IARS1: variants seen among roughly 807,000 people sequenced by gnomAD.
IARS1 encodes the protein isoleucyl-tRNA synthetase 1.
In IARS1, 124 loss-of-function variants were observed where a neutral mutation model predicts 168.2. That is an observed-to-expected ratio of 0.74 (90% CI 0.64 to 0.86). The LOEUF (loss-of-function observed/expected upper bound fraction) is 0.86, where lower values mean the gene tolerates loss of function less well. IARS1 is among the 40% of genes least tolerant of loss of function. The pLI is 0.00. For missense variants in IARS1, 1,452 were observed against 1,515.8 expected (o/e 0.96, Z 0.70); for synonymous variants, 532 against 529.4 (o/e 1.00, Z -0.07).
intron 20 of IARS1, among the ~76,000 whole-genome samples, chr9:92,254,596 C>A (rs991051005): frequency 3.3e-5 from 5 of 152,158 alleles, no homozygotes; most frequent in Non-Finnish European, 7.3e-5. Flanking sequence ...GTAACTGAGA[C>A]CTGTCTAAAT....
intron 14 of IARS1, among the ~76,000 whole-genome samples, chr9:92,266,903 C>T (rs999470585): frequency 3.9e-5 from 6 of 152,182 alleles, no homozygotes; most frequent in Admixed American, 2.0e-4. Context: ...TATAAATTAT[C>T]CAGCCTCAGG....
At chr9:92,245,106 C>T (rs1226754615) in intron 26 of IARS1, 35 bp from the exon 27 acceptor site, 3 of 1,544,998 alleles carry the variant, frequency 1.9e-6, no homozygotes, top group Non-Finnish European at 9.0e-7. Context: ...AATCAGCTTC[C>T]CCTCCTCTTC....
At chr9:92,282,807 T>A (rs1834819624) in intron 6 of IARS1, among the ~76,000 whole-genome samples, 1 of 150,044 alleles carries the variant, frequency 6.7e-6, no homozygotes, top group South Asian at 2.1e-4. Flanking sequence ...CCAATACATA[T>A]ATATGTATAC....
chr9:92,269,894 A>G lies in IARS1; in HGVS notation c.1295T>C (p.Leu432Pro). Residue 432 changes from leucine to proline, a missense_variant, in exon 13 of 34, where the codon CTG (leucine) becomes CCG (proline). Transcript: ENST00000443024. Reference sequence around the variant, plus strand: ...ACATCTTACTGCTCACCAGTAGCACAGGTCATTGTTCCTTAGGAGCTGGTC... The same window carrying G: ...ACATCTTACTGCTCACCAGTAGCACGGGTCATTGTTCCTTAGGAGCTGGTC... ...MVDQLLRNND[L>P]CYWVPELVRE... 6.2e-7 allele frequency: 1 copy of G among 1,609,598 alleles called. No individual in the cohort carries two copies. Among genetic ancestry groups the G allele is most frequent in the Non-Finnish European group, 8.5e-7 (1 of 1,175,934 alleles).
chr9:92,210,427 A>G lies in IARS1; in HGVS notation c.*380T>C, dbSNP rs546352686. The stretch of plus-strand genomic sequence containing the variant: ...CCAGGAAAATCCAGGTGGCAGAAAT[A>G]TATAATATGTCCATTTCATCAAGAG... On this transcript the variant is annotated 3_prime_UTR_variant, in exon 34 of 34. Coordinates refer to ENST00000443024, the MANE Select transcript of IARS1 (RefSeq NM_002161.6). The G allele has an allele frequency of 1.9e-5, 3 of 157,190 alleles. No homozygotes were observed. The highest frequency in any genetic ancestry group is 7.2e-5 in the African/African-American group (3 of 41,618). 9.7% of individuals were successfully genotyped at this position (157,190 alleles called of 1,614,324 possible).
chr9:92,265,582 G>A, intron 14 of IARS1, 29 bp from the exon 15 acceptor site: 1 of 1,537,270 alleles, frequency 6.5e-7, no homozygotes. Flanking sequence ...AATAGCAGGA[G>A]CTCCTTAGAG....
At chr9:92,215,895 A>G (rs1218905586) in intron 33 of IARS1, among the ~76,000 whole-genome samples, 1 of 152,080 alleles carries the variant, frequency 6.6e-6, no homozygotes, top group African/African-American at 2.4e-5. Context: ...AGGCAGGCCA[A>G]CGTTCAGATT....
chr9:92,229,329 CATAT>C (rs915400421), intron 30 of IARS1, among the ~76,000 whole-genome samples: 2 of 148,052 alleles, frequency 1.4e-5, no homozygotes, highest in Non-Finnish European at 3.0e-5. Context: ...CATATATATA[CATAT>C]ATAGTGTATA....
intron 31 of IARS1, among the ~76,000 whole-genome samples, chr9:92,226,390 T>C (rs1287950465): frequency 6.6e-6 from 1 of 152,216 alleles, no homozygotes; most frequent in Admixed American, 6.5e-5. Context: ...TGGTACTATC[T>C]TGCAAGTTCC....
chr9:92,282,839 C>CATATAT (rs772428704), intron 6 of IARS1, among the ~76,000 whole-genome samples: 7 of 142,254 alleles, frequency 4.9e-5, no homozygotes, highest in African/African-American at 1.6e-4. Context: ...CATACACACA[C>CATATAT]ATATATATAT....
chr9:92,269,940 C>T lies in IARS1; in HGVS notation c.1249G>A (p.Val417Met), dbSNP rs757668480. ...LIYKAVPSWF[V>M]RVENMVDQLL... Reference sequence around the variant, plus strand: ...TGGTCCACCATGTTCTCCACTCGCACAAACCAGCTGGGCACTGCTTTGTAA... The same window carrying T: ...TGGTCCACCATGTTCTCCACTCGCATAAACCAGCTGGGCACTGCTTTGTAA... The change falls in exon 13 of 34, where the codon GTG becomes ATG. Residue 417 changes from valine to methionine, a missense_variant. Transcript: ENST00000443024. 1 of 1,613,844 alleles carries T rather than the reference C, an allele frequency of 6.2e-7. No homozygotes were observed. Among genetic ancestry groups the T allele is most frequent in the Admixed American group, 1.7e-5 (1 of 60,022 alleles).
chr9:92,220,509 C>T (rs907776496), intron 33 of IARS1, among the ~76,000 whole-genome samples: 9 of 152,058 alleles, frequency 5.9e-5, no homozygotes, highest in Non-Finnish European at 8.8e-5. Context: ...TCCAGCTACT[C>T]GGGAGGCTGA....
chr9:92,275,354 C>T (rs1314788195), intron 9 of IARS1, among the ~76,000 whole-genome samples: 1 of 152,196 alleles, frequency 6.6e-6, no homozygotes, highest in Non-Finnish European at 1.5e-5. Context: ...ATCACACAAC[C>T]AGCAATGATG....
chr9:92,223,191 A>G (rs143955291), intron 32 of IARS1, among the ~76,000 whole-genome samples, 155 bp downstream of exon 32: 1 of 152,320 alleles, frequency 6.6e-6, no homozygotes, highest in East Asian at 1.9e-4. Context: ...TAACACACCA[A>G]AAGAAAAGCC....
Position 92,247,426 on chromosome 9 carries a change from C to T in IARS1, c.2742G>A (p.Thr914=), listed in dbSNP as rs75415996. Reference sequence around the variant, plus strand: ...CCTCACTGCTCAACTGCTTGATGGACGTCATCACTGCCTTAAAGGCTCCCT... The same window carrying T: ...CCTCACTGCTCAACTGCTTGATGGATGTCATCACTGCCTTAAAGGCTCCCT... The part of the protein sequence containing the change: ...RLKGAFKAVM[T]SIKQLSSEEL... Residue 914 remains threonine (T), a synonymous_variant, in exon 26 of 34, where the codon ACG becomes ACA. Transcript: ENST00000443024. 7.4e-6 allele frequency: 12 copies of T among 1,614,064 alleles called. No homozygotes were observed. The highest frequency in any genetic ancestry group is 5.0e-5 in the Admixed American group (3 of 60,004).
Position 92,229,063 on chromosome 9 carries a change from C to T in IARS1, c.3347G>A (p.Ser1116Asn). The part of the protein sequence containing the change: ...DNRLDLLKLK[S>N]VVTSIFGVKN... Reference sequence around the variant, plus strand: ...CACACCAAAAATGCTAGTGACAACACTCTTCAGCTTTAAAAGGTCCAACCT... The same window carrying T: ...CACACCAAAAATGCTAGTGACAACATTCTTCAGCTTTAAAAGGTCCAACCT... The change falls in exon 31 of 34, where the codon AGT becomes AAT. Residue 1116 changes from serine (S) to asparagine (N), a missense_variant. By Grantham distance (46) the Ser-to-Asn change is conservative. Transcript: ENST00000443024. 6.2e-7 allele frequency: 1 copy of T among 1,614,090 alleles called. No homozygotes were observed.
intron 30 of IARS1, among the ~76,000 whole-genome samples, chr9:92,235,513 A>ATTTTTTT (rs558342421): frequency 3.5e-5 from 4 of 114,194 alleles, no homozygotes; most frequent in Admixed American, 9.3e-5. Context: ...AATTACATTG[A>ATTTTTTT]TTTTTTTTTT....
At chr9:92,276,602 G>C (rs1371712736) in intron 9 of IARS1, among the ~76,000 whole-genome samples, 1 of 152,122 alleles carries the variant, frequency 6.6e-6, no homozygotes, top group African/African-American at 2.4e-5. Flanking sequence ...CCATGGATAG[G>C]GCCCAAACCA....
chr9:92,270,616 G>A (rs1445813512), intron 12 of IARS1, among the ~76,000 whole-genome samples: 4 of 152,054 alleles, frequency 2.6e-5, no homozygotes, highest in South Asian at 2.1e-4. Flanking sequence ...ACAACATGGC[G>A]AAACCTCATT....
Sources: gnomAD v4.1 joint callset for allele counts (sites outside exome capture counted in the v4.1 genomes callset) on GRCh38, gnomAD v4.1.1 for gene constraint, MANE v1.5 for transcripts, NCBI Gene and HGNC (gene_info 2026-07-23, HGNC 2026-07-21) for gene names.